Variants in MYOZ2 observed in about 807,000 individuals in gnomAD.
MYOZ2 encodes myozenin 2.
MYOZ2 carries 19 observed loss-of-function variants against 25.4 expected under a neutral mutation model. The ratio of observed to expected loss-of-function variants is 0.75; its 90% CI spans 0.52 to 1.10. The LOEUF (loss-of-function observed/expected upper bound fraction) is 1.10, where lower values mean the gene tolerates loss of function less well. Among genes scored for constraint, MYOZ2 ranks in the 50% least tolerant of loss-of-function variants. The probability of loss-of-function intolerance (pLI) is 0.00; values close to 1 mark genes in which losing one functional copy is unlikely to be tolerated. For missense variants in MYOZ2, 270 were observed against 317.9 expected (o/e 0.85, Z 1.15); for synonymous variants, 92 against 106.9 (o/e 0.86, Z 0.86).
At chr4:119,165,578 C>T (rs1741805986) in intron 5 of MYOZ2, among the ~76,000 whole-genome samples, 1 of 151,948 alleles carries the variant, frequency 6.6e-6, no homozygotes, top group Non-Finnish European at 1.5e-5. Context: ...TTTTTGCACA[C>T]TACCATTATT....
At chr4:119,181,255 A>T (rs921540514) in intron 5 of MYOZ2, among the ~76,000 whole-genome samples, 85 of 152,302 alleles carry the variant, frequency 5.6e-4, no homozygotes, top group African/African-American at 1.8e-3. Context: ...AACTTTGTCT[A>T]GTACTTGGTA....
chr4:119,170,358 A>G (rs1419333053), intron 5 of MYOZ2, among the ~76,000 whole-genome samples: 2 of 151,364 alleles, frequency 1.3e-5, no homozygotes, highest in African/African-American at 2.4e-5. Context: ...ATAAGTTTAT[A>G]TTACTATAAA....
At position 119,164,317 on chromosome 4, in the gene MYOZ2, G is replaced by A; in HGVS notation, c.483G>A (p.Glu161=). Residue 161 remains glutamate (E), a synonymous_variant, in exon 5 of 6, where the codon GAG becomes GAA. Coordinates refer to ENST00000307128, the MANE Select transcript of MYOZ2 (RefSeq NM_016599.5). ...AACAAGCCATTAGCAATGATCCGGA[G>A]CTTTTAGAGGCTTTATATCCTAAAC... ...PWEQAISNDP[E]LLEALYPKLF... is the part of the protein sequence containing the mutation. 1 of 1,614,068 alleles carries A rather than the reference G, an allele frequency of 6.2e-7. No homozygotes were observed. The highest frequency in any genetic ancestry group is 8.5e-7 in the Non-Finnish European group (1 of 1,179,990).
chr4:119,165,318 T>G (rs1391630142), intron 5 of MYOZ2, among the ~76,000 whole-genome samples: 2 of 151,576 alleles, frequency 1.3e-5, no homozygotes, highest in Admixed American at 6.6e-5. Context: ...AAGACTACCC[T>G]GGGCAACATA....
intron 2 of MYOZ2, among the ~76,000 whole-genome samples, chr4:119,141,484 G>C (rs909511149): frequency 6.6e-6 from 1 of 152,136 alleles, no homozygotes; most frequent in Admixed American, 6.5e-5. Context: ...CTGAGTTCAA[G>C]TGATTCTCCT....
At chr4:119,184,591 A>T (rs922288699) in intron 5 of MYOZ2, among the ~76,000 whole-genome samples, 1 of 152,240 alleles carries the variant, frequency 6.6e-6, no homozygotes. Flanking sequence ...TCACCATCAG[A>T]TATTTTTGTA....
intron 4 of MYOZ2, among the ~76,000 whole-genome samples, chr4:119,161,103 G>A (rs1741698156): frequency 6.6e-6 from 1 of 152,002 alleles, no homozygotes; most frequent in African/African-American, 2.4e-5. Context: ...ACGCCTAGGA[G>A]ATCAACCTTT....
chr4:119,168,687 A>AACC (rs1242230830), intron 5 of MYOZ2, among the ~76,000 whole-genome samples: 5 of 134,532 alleles, frequency 3.7e-5, no homozygotes, highest in Non-Finnish European at 7.4e-5. Context: ...ACAACAAAAC[A>AACC]ACAACAACAA....
intron 3 of MYOZ2, among the ~76,000 whole-genome samples, chr4:119,155,047 T>C: frequency 6.6e-6 from 1 of 151,998 alleles, no homozygotes. Context: ...AAACTTCCAC[T>C]CATGGCAGAA....
chr4:119,138,042 A>G (rs1268363582), intron 2 of MYOZ2, among the ~76,000 whole-genome samples: 1 of 152,208 alleles, frequency 6.6e-6, no homozygotes, highest in Non-Finnish European at 1.5e-5. Context: ...TAGCTCTGAC[A>G]TAGATCTATA....
intron 5 of MYOZ2, among the ~76,000 whole-genome samples, chr4:119,167,978 T>A (rs558755683): frequency 1.3e-5 from 2 of 152,278 alleles, no homozygotes; most frequent in South Asian, 2.1e-4. Flanking sequence ...AATGTTTTGT[T>A]TTGTTTTGTT....
rs758731733 is a variant in MYOZ2, at chr4:119,164,328, CT to C, written c.497del (p.Leu166TyrfsTer49). ...AGCAATGATCCGGAGCTTTTAGAGGCTTTATATCCTAAACTTTTCAAGCCTG... is the reference window on the plus strand; with the variant it reads ...AGCAATGATCCGGAGCTTTTAGAGGCTTATATCCTAAACTTTTCAAGCCTG... ...AISNDPELLE[A>X]LYPKLFKPEG... On this transcript the variant is annotated frameshift_variant, in exon 5 of 6. Transcript: ENST00000307128. LOFTEE classifies it high-confidence loss of function. 1 of 1,614,054 alleles carries C rather than the reference CT, an allele frequency of 6.2e-7. No homozygotes were observed. Among genetic ancestry groups the C allele is most frequent in the Non-Finnish European group, 8.5e-7 (1 of 1,179,954 alleles).
intron 3 of MYOZ2, among the ~76,000 whole-genome samples, chr4:119,152,901 A>G (rs1158526538): frequency 6.6e-6 from 1 of 152,104 alleles, no homozygotes; most frequent in Non-Finnish European, 1.5e-5. Context: ...ACACCATAAT[A>G]AAGAAGATTG....
At chr4:119,144,448 A>G (rs1741241937) in intron 2 of MYOZ2, among the ~76,000 whole-genome samples, 1 of 152,302 alleles carries the variant, frequency 6.6e-6, no homozygotes, top group East Asian at 1.9e-4. Context: ...CAAGAACACA[A>G]GTTTTCATTT....
chr4:119,155,491 G>A (rs1052142477), intron 3 of MYOZ2, among the ~76,000 whole-genome samples: 7 of 152,248 alleles, frequency 4.6e-5, no homozygotes, highest in East Asian at 1.9e-4. Context: ...GAAAGAAGAC[G>A]GAAATTCTAA....
intron 5 of MYOZ2, among the ~76,000 whole-genome samples, chr4:119,185,717 T>C (rs1742277954): frequency 6.6e-6 from 1 of 152,234 alleles, no homozygotes; most frequent in South Asian, 2.1e-4. Context: ...CCAAAACTAA[T>C]AGTATATACA....
At chr4:119,182,052 T>A (rs563997893) in intron 5 of MYOZ2, among the ~76,000 whole-genome samples, 2,878 of 152,268 alleles carry the variant, frequency 0.019, 94 homozygotes, top group African/African-American at 0.066. Flanking sequence ...ATTCAGAAGC[T>A]TTTGGGATTA....
In MYOZ2 at chr4:119,176,188, T is replaced by A. The variant is rs575572489; in HGVS notation, c.561-9778T>A. Among the ~76,000 whole-genome samples, 5 of 152,320 alleles carry A rather than the reference T, an allele frequency of 3.3e-5. No homozygotes were observed. In the East Asian group the frequency reaches 7.7e-4, roughly 23 times the overall value. ...TCTAGACATGCTAAGAAATCAGTAA[T>A]TTGTTGCATGAATACATGGGTGAAT... On this transcript the variant is annotated intron_variant, in intron 5 of 5. Transcript: ENST00000307128.
chr4:119,183,977 G>T (rs546060754), intron 5 of MYOZ2, among the ~76,000 whole-genome samples: 367 of 152,006 alleles, frequency 2.4e-3, no homozygotes, highest in African/African-American at 8.0e-3. Flanking sequence ...ACCATGCCCT[G>T]CTAATTTTTT....
Sources: allele counts gnomAD v4.1 joint callset (sites outside exome capture counted in the v4.1 genomes callset), GRCh38; gene constraint gnomAD v4.1.1; transcripts MANE v1.5; gene names NCBI Gene and HGNC (gene_info 2026-07-23, HGNC 2026-07-21).